The following HAPSTR1 variants were observed in gnomAD, a reference collection of about 807,000 sequenced individuals.
The protein encoded by HAPSTR1 is HUWE1 associated protein modifying stress responses.
At chr16:9,112,059 T>C in the HAPSTR1 span, 1 of 152,224 alleles carries the variant, frequency 6.6e-6, no homozygotes, top group African/African-American at 2.4e-5. Context: ...ATTGGTTTGA[T>C]TTAGTGTGCT....
chr16:9,099,696 C>A, the HAPSTR1 span, among the ~76,000 whole-genome samples: 1 of 152,200 alleles, frequency 6.6e-6, no homozygotes, highest in African/African-American at 2.4e-5. Context: ...AAAGTCCACG[C>A]TTCTAGAATT....
At chr16:9,109,556 G>T in the HAPSTR1 span, 1 of 152,200 alleles carries the variant, frequency 6.6e-6, no homozygotes, top group Admixed American at 6.5e-5. Flanking sequence ...CTGGGCCTGA[G>T]TTGTCTCTCT....
chr16:9,106,283 A>G, the HAPSTR1 span: 1 of 151,190 alleles, frequency 6.6e-6, no homozygotes, highest in Non-Finnish European at 1.5e-5. Flanking sequence ...ATTTATGGTT[A>G]TCAAATAGGT....
the HAPSTR1 span, chr16:9,092,345 C>T: frequency 3.3e-6 from 4 of 1,218,654 alleles, no homozygotes; most frequent in Middle Eastern, 3.0e-4. Context: ...ATCGGCTCAG[C>T]GGCCGCTTCG....
chr16:9,119,267 G>C, the HAPSTR1 span: 1 of 152,212 alleles, frequency 6.6e-6, no homozygotes, highest in Non-Finnish European at 1.5e-5. Flanking sequence ...GGTTTTTCAA[G>C]GGTTTCCCTG....
chr16:9,099,004 A>G, the HAPSTR1 span, among the ~76,000 whole-genome samples: 1 of 152,116 alleles, frequency 6.6e-6, no homozygotes, highest in Non-Finnish European at 1.5e-5. Flanking sequence ...CAGTTATGTA[A>G]GAAAGTTATG....
the HAPSTR1 span, chr16:9,108,651 T>A: frequency 6.6e-6 from 1 of 152,186 alleles, no homozygotes; most frequent in African/African-American, 2.4e-5. Context: ...TTATATCTCT[T>A]TCTGAGGTTT....
chr16:9,115,932 T>G, the HAPSTR1 span, among the ~76,000 whole-genome samples: 1 of 152,224 alleles, frequency 6.6e-6, no homozygotes, highest in Admixed American at 6.5e-5. Flanking sequence ...ACTCTTAATG[T>G]TGAAAACAAA....
the HAPSTR1 span, among the ~76,000 whole-genome samples, chr16:9,096,757 T>C: frequency 6.6e-6 from 1 of 152,186 alleles, no homozygotes; most frequent in Non-Finnish European, 1.5e-5. Context: ...ATTTAACTTT[T>C]CATGCCTGTA....
At chr16:9,102,615 C>T in the HAPSTR1 span, among the ~76,000 whole-genome samples, 1 of 152,158 alleles carries the variant, frequency 6.6e-6, no homozygotes, top group African/African-American at 2.4e-5. Context: ...TCCACAATGA[C>T]GTGGTAAATG....
chr16:9,100,659 G>C, the HAPSTR1 span, among the ~76,000 whole-genome samples: 6 of 151,966 alleles, frequency 3.9e-5, no homozygotes, highest in African/African-American at 4.8e-5. Context: ...TCAGCCTCCC[G>C]AGTAGCTGGG....
chr16:9,116,889 C>T, the HAPSTR1 span: 1 of 1,614,100 alleles, frequency 6.2e-7, no homozygotes, highest in Non-Finnish European at 8.5e-7. Flanking sequence ...CTCACCAACC[C>T]ATAAACGCAA....
At chr16:9,120,749 C>T in the HAPSTR1 span, 1 of 140,180 alleles carries the variant, frequency 7.1e-6, no homozygotes. Flanking sequence ...ACGATCTTGG[C>T]TCACCACAAC....
At chr16:9,092,847 G>C in the HAPSTR1 span, 1 of 1,401,362 alleles carries the variant, frequency 7.1e-7, no homozygotes, top group African/African-American at 1.5e-5. Context: ...TAACATTCTT[G>C]TTCTCTTTCT....
At chr16:9,113,392 C>G in the HAPSTR1 span, among the ~76,000 whole-genome samples, 1 of 152,146 alleles carries the variant, frequency 6.6e-6, no homozygotes, top group Non-Finnish European at 1.5e-5. Context: ...TTCAGATTGA[C>G]CAAATTGATG....
the HAPSTR1 span, among the ~76,000 whole-genome samples, chr16:9,101,742 A>ATTT: frequency 7.1e-6 from 1 of 140,226 alleles, no homozygotes; most frequent in Non-Finnish European, 1.5e-5. Context: ...TGTCTGGATG[A>ATTT]TTTTTTTTTT....
the HAPSTR1 span, chr16:9,112,845 C>T: frequency 6.6e-6 from 1 of 152,148 alleles, no homozygotes; most frequent in Non-Finnish European, 1.5e-5. Context: ...TGGATACAGA[C>T]ACTTTAAAAC....
At chr16:9,120,099 A>G in the HAPSTR1 span, 4 of 152,346 alleles carry the variant, frequency 2.6e-5, no homozygotes, top group Non-Finnish European at 4.4e-5. Context: ...TTTATGTAGT[A>G]TGTTGTAACC....
At chr16:9,102,142 G>A in the HAPSTR1 span, among the ~76,000 whole-genome samples, 30 of 152,190 alleles carry the variant, frequency 2.0e-4, no homozygotes, top group South Asian at 4.4e-3. Context: ...AATCAAAGCC[G>A]GGAAAAGTAA....
Sources: gnomAD v4.1 joint callset for allele counts (sites outside exome capture counted in the v4.1 genomes callset) on GRCh38, gnomAD v4.1.1 for gene constraint, MANE v1.5 for transcripts, NCBI Gene and HGNC (gene_info 2026-07-23, HGNC 2026-07-21) for gene names.